RMST: variants seen among roughly 807,000 people sequenced by gnomAD.
RMST encodes the protein rhabdomyosarcoma 2 associated transcript.
At chr12:97,533,938 C>T (rs1881876419) in intron 11 of RMST, among the ~76,000 whole-genome samples, 1 of 151,736 alleles carries the variant, frequency 6.6e-6, no homozygotes, top group Non-Finnish European at 1.5e-5. Flanking sequence ...GCTTCTACTC[C>T]AAGCCTGTGA....
At chr12:97,476,458 T>C (rs1874562473) in intron 5 of RMST, among the ~76,000 whole-genome samples, 1 of 152,142 alleles carries the variant, frequency 6.6e-6, no homozygotes, top group Admixed American at 6.6e-5. Flanking sequence ...TTTCTTCTCT[T>C]GCTTTTGTGT....
rs368168463 is a variant in RMST at position 97,485,397 on chromosome 12, T to A, written n.645-7064T>A. 4.6e-5 allele frequency among the ~76,000 whole-genome samples: 7 copies of A among 152,326 alleles called. No homozygotes were observed. The East Asian group carries it at 9.6e-4, about 21-fold the overall frequency. On this transcript the variant is annotated intron_variant and non_coding_transcript_variant, in intron 5 of 13. Transcript: ENST00000640149. ...ACTGAAAATTGGTTACCTGTACATA[T>A]GATAGATACATAAGATTAAATTTTA...
intron 11 of RMST, among the ~76,000 whole-genome samples, chr12:97,556,270 G>A (rs540765027): frequency 3.3e-5 from 5 of 152,222 alleles, no homozygotes; most frequent in South Asian, 2.1e-4. Flanking sequence ...GCAAAAATAC[G>A]TGAATTTCTT....
chr12:97,537,901 G>GT (rs1565935041), intron 11 of RMST, among the ~76,000 whole-genome samples: 2 of 151,270 alleles, frequency 1.3e-5, no homozygotes, highest in Admixed American at 6.6e-5. Flanking sequence ...ATATTCATGT[G>GT]TTTTTTTGTG....
chr12:97,529,493 C>G (rs1326386721), intron 10 of RMST, among the ~76,000 whole-genome samples: 1 of 152,030 alleles, frequency 6.6e-6, no homozygotes, highest in Non-Finnish European at 1.5e-5. Flanking sequence ...TTTAACTTTT[C>G]CCTAAATTTC....
intron 10 of RMST, among the ~76,000 whole-genome samples, chr12:97,498,179 G>A (rs995359768): frequency 6.2e-4 from 66 of 106,166 alleles, no homozygotes; most frequent in African/African-American, 5.0e-3. Context: ...TATTCTGTTA[G>A]ATTATTTTAC....
At chr12:97,486,460 G>A (rs1174102546) in intron 5 of RMST, among the ~76,000 whole-genome samples, 3 of 152,144 alleles carry the variant, frequency 2.0e-5, no homozygotes, top group Non-Finnish European at 2.9e-5. Context: ...AGAAACAAAC[G>A]ATGTCTGAAA....
intron 5 of RMST, among the ~76,000 whole-genome samples, chr12:97,476,532 T>G: frequency 6.6e-6 from 1 of 152,180 alleles, no homozygotes; most frequent in Non-Finnish European, 1.5e-5. Flanking sequence ...TATGGTTGGA[T>G]TAGCTCCACA....
At chr12:97,508,606 A>G (rs2136504138) in intron 10 of RMST, among the ~76,000 whole-genome samples, 1 of 152,354 alleles carries the variant, frequency 6.6e-6, no homozygotes, top group African/African-American at 2.4e-5. Context: ...ATGCTAAGTT[A>G]AGACTGGAAA....
chr12:97,559,849 A>G (rs1291350150), intron 11 of RMST, among the ~76,000 whole-genome samples: 6 of 152,242 alleles, frequency 3.9e-5, no homozygotes, highest in African/African-American at 1.2e-4. Flanking sequence ...TGGGCACTCT[A>G]TATAGAAATG....
At chr12:97,477,839 A>C (rs1874740111) in intron 5 of RMST, among the ~76,000 whole-genome samples, 2 of 152,320 alleles carry the variant, frequency 1.3e-5, no homozygotes, top group South Asian at 4.1e-4. Context: ...AGCACTTTTT[A>C]ATTGTGTAGT....
At chr12:97,506,675 GTTTTTTTTTTTT>G (rs780505590) in intron 10 of RMST, among the ~76,000 whole-genome samples, 1 of 76,946 alleles carries the variant, frequency 1.3e-5, no homozygotes, top group Non-Finnish European at 2.4e-5. Context: ...AGGGTAATCT[GTTTTTTTTTTTT>G]TTTTTTTTTT....
intron 10 of RMST, among the ~76,000 whole-genome samples, chr12:97,509,807 A>G (rs1879094655): frequency 6.6e-6 from 1 of 152,168 alleles, no homozygotes; most frequent in South Asian, 2.1e-4. Flanking sequence ...GTCAACAAAT[A>G]TATATTGAAT....
exon 13 of RMST, chr12:97,560,924 G>C (rs1727482062): frequency 6.6e-6 from 1 of 152,304 alleles, no homozygotes; most frequent in African/African-American, 2.4e-5. Context: ...GATCTGCCAA[G>C]CTCACTTTTA....
chr12:97,559,443 G>C (rs188221713), intron 11 of RMST, among the ~76,000 whole-genome samples: 91 of 152,230 alleles, frequency 6.0e-4, no homozygotes, highest in Middle Eastern at 3.4e-3. Context: ...AGCTGCAGCA[G>C]TATTTATTTT....
intron 5 of RMST, among the ~76,000 whole-genome samples, chr12:97,484,794 T>G (rs1044410893): frequency 2.6e-5 from 4 of 152,326 alleles, no homozygotes; most frequent in Admixed American, 6.5e-5. Context: ...ACTTCTCTAG[T>G]GCCATATAAT....
At chr12:97,500,778 T>G (rs1256836747) in intron 10 of RMST, among the ~76,000 whole-genome samples, 1 of 152,226 alleles carries the variant, frequency 6.6e-6, no homozygotes, top group African/African-American at 2.4e-5. Flanking sequence ...AGCCCGACCC[T>G]GAACACTCCA....
chr12:97,513,599 A>G (rs1218788040), intron 10 of RMST, among the ~76,000 whole-genome samples: 1 of 152,208 alleles, frequency 6.6e-6, no homozygotes, highest in Non-Finnish European at 1.5e-5. Context: ...GCTGTTGTGA[A>G]AGAGAAAGAG....
intron 5 of RMST, among the ~76,000 whole-genome samples, chr12:97,466,331 G>A (rs1246037190): frequency 1.3e-5 from 2 of 152,096 alleles, no homozygotes; most frequent in African/African-American, 4.8e-5. Flanking sequence ...TAACTCTGGG[G>A]TTTTACAGAG....
Sources: gnomAD v4.1 joint callset for allele counts (sites outside exome capture counted in the v4.1 genomes callset) on GRCh38, gnomAD v4.1.1 for gene constraint, MANE v1.5 for transcripts, NCBI Gene and HGNC (gene_info 2026-07-23, HGNC 2026-07-21) for gene names.